The following ZBTB20 variants were observed in gnomAD, a reference collection of about 807,000 sequenced individuals.
The protein encoded by ZBTB20 is zinc finger and BTB domain-containing protein 20.
ZBTB20 carries 9 observed loss-of-function variants against 56.9 expected under a neutral mutation model. The ratio of observed to expected loss-of-function variants is 0.16; its 90% CI spans 0.10 to 0.28. The LOEUF (loss-of-function observed/expected upper bound fraction) is 0.28, where lower values mean the gene tolerates loss of function less well. Ranked by LOEUF, ZBTB20 falls within the 10% of genes least tolerant of loss-of-function variation. The pLI is 1.00. For synonymous variants in ZBTB20, 417 were observed against 420.7 expected (o/e 0.99, Z 0.11); for missense variants, 655 against 1,003.0 (o/e 0.65, Z 4.69).
chr3:114,774,163 AG>A (rs2069420198), intron 5 of ZBTB20, among the ~76,000 whole-genome samples: 1 of 152,240 alleles, frequency 6.6e-6, no homozygotes, highest in Non-Finnish European at 1.5e-5. Flanking sequence ...TCACAGTAAA[AG>A]GTAAATTCTC....
At chr3:114,452,696 T>C (rs955958434) in intron 7 of ZBTB20, among the ~76,000 whole-genome samples, 5 of 152,260 alleles carry the variant, frequency 3.3e-5, no homozygotes, top group Admixed American at 1.3e-4. Flanking sequence ...ATCTATATTT[T>C]CCCCTACATT....
At chr3:114,603,057 G>A (rs1321669590) in intron 6 of ZBTB20, among the ~76,000 whole-genome samples, 2 of 151,942 alleles carry the variant, frequency 1.3e-5, no homozygotes. Flanking sequence ...TTTAAGTGCT[G>A]AATTGAATAG....
At chr3:114,958,242 C>T (rs762323430) in intron 3 of ZBTB20, among the ~76,000 whole-genome samples, 32 of 152,164 alleles carry the variant, frequency 2.1e-4, no homozygotes, top group Non-Finnish European at 4.3e-4. Flanking sequence ...AGGCAAAATC[C>T]AATAAGGAGA....
chr3:115,123,034 C>CT (rs1471217535), intron 1 of ZBTB20, among the ~76,000 whole-genome samples: 1 of 152,082 alleles, frequency 6.6e-6, no homozygotes, highest in Non-Finnish European at 1.5e-5. Context: ...AATTATTGCT[C>CT]TTTTTTTCAA....
At chr3:115,012,009 A>G (rs1363840711) in intron 2 of ZBTB20, among the ~76,000 whole-genome samples, 1 of 151,846 alleles carries the variant, frequency 6.6e-6, no homozygotes, top group African/African-American at 2.4e-5. Context: ...ATAATTGCTT[A>G]TAAGATAGTA....
In ZBTB20 at chr3:114,525,998, T is replaced by C. The variant is rs116580408; in HGVS notation, c.-294-25607A>G. On this transcript the variant is annotated intron_variant, in intron 6 of 11. Transcript: ENST00000675478. ...GGATTCTCTTGGCAATTTTAGTATA[T>C]TCAAGGCATAGCTGCCAAGATCATC... is the stretch of plus-strand genomic sequence containing the variant. 5.2e-3 allele frequency among the ~76,000 whole-genome samples: 788 copies of C among 152,352 alleles called. 5 individuals carry two copies. The highest frequency in any genetic ancestry group is 0.018 in the African/African-American group (761 of 41,582).
chr3:114,806,482 G>A (rs928471321), intron 4 of ZBTB20, among the ~76,000 whole-genome samples: 13 of 151,798 alleles, frequency 8.6e-5, no homozygotes, highest in African/African-American at 1.7e-4. Flanking sequence ...TATATTATGC[G>A]TAAAAATTCT....
At chr3:114,863,263 T>A (rs1305642766) in intron 4 of ZBTB20, among the ~76,000 whole-genome samples, 1 of 152,146 alleles carries the variant, frequency 6.6e-6, no homozygotes, top group Non-Finnish European at 1.5e-5. Context: ...TCTAAGAAAT[T>A]AATTTAGGTC....
At chr3:114,826,518 T>G (rs181541893) in intron 4 of ZBTB20, among the ~76,000 whole-genome samples, 18 of 151,856 alleles carry the variant, frequency 1.2e-4, no homozygotes, top group Non-Finnish European at 2.2e-4. Context: ...CCATGAACAC[T>G]AGGAAGTAGG....
At position 114,316,855 on chromosome 3, in the gene ZBTB20, G is replaced by A. The variant is rs889127454; in HGVS notation, c.*22150C>T. 5 of 227,724 alleles carry A rather than the reference G, an allele frequency of 2.2e-5. No homozygotes were observed. The highest frequency in any genetic ancestry group is 1.5e-4 in the East Asian group (1 of 6,794). 14.1% of individuals were successfully genotyped at this position (227,724 alleles called of 1,614,324 possible). A position where few individuals can be genotyped will look rare whatever the true frequency, so the allele number is the denominator to read the frequency against. On this transcript the variant is annotated 3_prime_UTR_variant, in exon 12 of 12. Coordinates refer to ENST00000675478, the MANE Select transcript of ZBTB20 (RefSeq NM_001348800.3). The stretch of plus-strand genomic sequence containing the variant: ...GTGATTAATGGACATTCTGGACTCC[G>A]GGCACCTTAGCAGCAGCAGCAGCAC...
intron 6 of ZBTB20, among the ~76,000 whole-genome samples, chr3:114,681,270 C>G (rs1286149156): frequency 1.3e-5 from 2 of 151,072 alleles, no homozygotes; most frequent in African/African-American, 4.9e-5. Context: ...AGCGATCCTT[C>G]TGCCTTAGCC....
Position 114,350,442 on chromosome 3 carries a change from C to G in ZBTB20, c.1636G>C (p.Gly546Arg). 1 of 1,614,140 alleles carries G rather than the reference C, an allele frequency of 6.2e-7. No individual in the cohort carries two copies. Among genetic ancestry groups the G allele is most frequent in the South Asian group, 1.1e-5 (1 of 91,066 alleles). The change falls in exon 11 of 12, where the codon GGT becomes CGT. Residue 546 changes from glycine (G) to arginine (R), a missense_variant. Physicochemically the swap from Gly to Arg is moderately radical, Grantham distance 125. This residue lies in a region of ZBTB20 where 71 missense variants were observed against 89.4 expected (regional missense o/e 0.79). Coordinates refer to ENST00000675478, the MANE Select transcript of ZBTB20 (RefSeq NM_001348800.3). ...AGCTGTGCAGTAAAGGTCGACAGACCGGGCTGGGACACTGTCACAAACTGG... is the reference window on the plus strand; with the variant it reads ...AGCTGTGCAGTAAAGGTCGACAGACGGGGCTGGGACACTGTCACAAACTGG... ...QTQFVTVSQP[G>R]LSTFTAQLPA...
chr3:114,337,125 C>T lies in ZBTB20; in HGVS notation c.*1880G>A, dbSNP rs2079485198. The T allele has an allele frequency of 6.6e-6, 1 of 152,134 alleles. No individual in the cohort carries two copies. The highest frequency in any genetic ancestry group is 6.5e-5 in the Admixed American group (1 of 15,272). 9.4% of individuals were successfully genotyped at this position (152,134 alleles called of 1,614,324 possible). On this transcript the variant is annotated 3_prime_UTR_variant, in exon 12 of 12. Coordinates refer to ENST00000675478, the MANE Select transcript of ZBTB20 (RefSeq NM_001348800.3). ...TCTGGGAATTTTTTTGTTAATTTCC[C>T]TAAAACCTTTCGAAGAAGCAAGGGT...
chr3:115,062,924 C>A (rs2082064063), intron 2 of ZBTB20, among the ~76,000 whole-genome samples: 1 of 152,148 alleles, frequency 6.6e-6, no homozygotes, highest in South Asian at 2.1e-4. Flanking sequence ...AACAAAGCAA[C>A]TATGTTTAAT....
chr3:114,691,368 A>G (rs1447532174), intron 6 of ZBTB20, among the ~76,000 whole-genome samples: 1 of 152,126 alleles, frequency 6.6e-6, no homozygotes, highest in Non-Finnish European at 1.5e-5. Context: ...GCCATCAGTT[A>G]GTCATTGTGC....
At chr3:114,803,652 T>C (rs2108849563) in intron 4 of ZBTB20, among the ~76,000 whole-genome samples, 1 of 151,966 alleles carries the variant, frequency 6.6e-6, no homozygotes, top group East Asian at 1.9e-4. Flanking sequence ...GGTTATCAGG[T>C]AGAATTGCTT....
At chr3:114,767,990 A>G (rs1163321084) in intron 5 of ZBTB20, among the ~76,000 whole-genome samples, 2 of 152,130 alleles carry the variant, frequency 1.3e-5, no homozygotes, top group African/African-American at 2.4e-5. Flanking sequence ...AATATAAAGT[A>G]TATTTGCATA....
intron 1 of ZBTB20, among the ~76,000 whole-genome samples, chr3:115,104,544 T>C (rs561625262): frequency 1.3e-5 from 2 of 152,294 alleles, no homozygotes; most frequent in South Asian, 2.1e-4. Flanking sequence ...TGAAAAGACA[T>C]GTAGGAAACT....
intron 2 of ZBTB20, among the ~76,000 whole-genome samples, chr3:114,982,748 T>C (rs560390478): frequency 5.3e-5 from 8 of 152,182 alleles, no homozygotes; most frequent in African/African-American, 1.9e-4. Flanking sequence ...GCCTTGTTAG[T>C]GTGCTGCACC....
Sources: allele counts gnomAD v4.1 joint callset (sites outside exome capture counted in the v4.1 genomes callset), GRCh38; gene constraint gnomAD v4.1.1; regional missense constraint gnomAD v4.1.1; transcripts MANE v1.5; gene names NCBI Gene and HGNC (gene_info 2026-07-23, HGNC 2026-07-21).